GLRA3: variants seen among roughly 807,000 people sequenced by gnomAD.
GLRA3 encodes glycine receptor subunit alpha-3.
Under a neutral mutation model 60.4 loss-of-function variants are expected in GLRA3, and 44 were observed. The observed-to-expected ratio is 0.73, with a 90% CI of 0.57 to 0.94. The LOEUF (loss-of-function observed/expected upper bound fraction) is 0.94, where lower values mean the gene tolerates loss of function less well. GLRA3 is among the 40% of genes least tolerant of loss of function. GLRA3 has a pLI of 0.00. For missense variants in GLRA3, 508 were observed against 564.6 expected (o/e 0.90, Z 1.02); for synonymous variants, 223 against 192.9 (o/e 1.16, Z -1.29).
intron 1 of GLRA3, among the ~76,000 whole-genome samples, chr4:174,798,287 C>T (rs1313663806): frequency 1.3e-5 from 2 of 152,072 alleles, no homozygotes; most frequent in African/African-American, 2.4e-5. Flanking sequence ...CCTCCGTGGG[C>T]CAGTCCTGTA....
chr4:174,773,702 A>T (rs199790079), intron 2 of GLRA3, among the ~76,000 whole-genome samples: 1 of 149,060 alleles, frequency 6.7e-6, no homozygotes, highest in Non-Finnish European at 1.5e-5. Context: ...TCCAGATTTT[A>T]AATTATCTGT....
intron 7 of GLRA3, 82 bp downstream of exon 7, chr4:174,676,996 T>C: frequency 7.3e-6 from 6 of 817,886 alleles, no homozygotes; most frequent in Non-Finnish European, 1.0e-5. Context: ...TTGAAAAATA[T>C]CTGACCAAAG....
intron 5 of GLRA3, among the ~76,000 whole-genome samples, chr4:174,692,812 C>CG (rs1734908246): frequency 6.6e-6 from 1 of 151,948 alleles, no homozygotes; most frequent in Admixed American, 6.6e-5. Context: ...CAGAAGGCCG[C>CG]GGGGTCCTCT....
At chr4:174,652,824 A>T (rs1034392046) in intron 9 of GLRA3, among the ~76,000 whole-genome samples, 4 of 152,142 alleles carry the variant, frequency 2.6e-5, no homozygotes, top group African/African-American at 9.6e-5. Context: ...CTAATTTTGT[A>T]TCTTCTTCTT....
intron 3 of GLRA3, among the ~76,000 whole-genome samples, chr4:174,738,073 G>A (rs1276090292): frequency 9.9e-5 from 15 of 152,138 alleles, no homozygotes; most frequent in Non-Finnish European, 1.5e-5. Context: ...TTCTTACATA[G>A]TTGTTTATTG....
chr4:174,717,706 CAGCTAGGTTA>C (rs1214489184), intron 4 of GLRA3, among the ~76,000 whole-genome samples: 2 of 152,130 alleles, frequency 1.3e-5, no homozygotes, highest in Non-Finnish European at 2.9e-5. Flanking sequence ...TCTCCTGGCT[CAGCTAGGTTA>C]AGTATGATTG....
chr4:174,808,847 G>T (rs190864833), intron 1 of GLRA3, among the ~76,000 whole-genome samples: 6 of 152,094 alleles, frequency 3.9e-5, no homozygotes, highest in Admixed American at 1.3e-4. Context: ...AAGATATAAA[G>T]AATACATTTT....
At chr4:174,653,172 G>A (rs1483520264) in intron 9 of GLRA3, among the ~76,000 whole-genome samples, 1 of 151,918 alleles carries the variant, frequency 6.6e-6, no homozygotes, top group African/African-American at 2.4e-5. Context: ...CTATTTATAT[G>A]GTTTCAAAAT....
intron 3 of GLRA3, among the ~76,000 whole-genome samples, chr4:174,732,469 G>A (rs1277025413): frequency 2.0e-5 from 3 of 151,734 alleles, no homozygotes; most frequent in African/African-American, 7.3e-5. Context: ...CCTTATGCTT[G>A]TGCAACAGAA....
chr4:174,737,573 G>A (rs549280820), intron 3 of GLRA3, among the ~76,000 whole-genome samples: 15 of 151,864 alleles, frequency 9.9e-5, no homozygotes, highest in Non-Finnish European at 2.1e-4. Flanking sequence ...GAGTGCAGTG[G>A]CACAATCTTA....
chr4:174,671,985 A>G (rs1334064424), intron 7 of GLRA3, among the ~76,000 whole-genome samples: 1 of 152,154 alleles, frequency 6.6e-6, no homozygotes, highest in Non-Finnish European at 1.5e-5. Flanking sequence ...TTCACAGAGA[A>G]ATTGAAAGGG....
intron 3 of GLRA3, among the ~76,000 whole-genome samples, chr4:174,747,250 C>T (rs949012823): frequency 2.0e-5 from 3 of 151,756 alleles, no homozygotes; most frequent in Non-Finnish European, 4.4e-5. Context: ...AAAGAGTAGT[C>T]GATGAAGGAA....
At chr4:174,717,809 T>C (rs1735982500) in intron 4 of GLRA3, among the ~76,000 whole-genome samples, 1 of 152,238 alleles carries the variant, frequency 6.6e-6, no homozygotes, top group Admixed American at 6.5e-5. Context: ...AAAGGGCTTA[T>C]TAGAAGTGTA....
At chr4:174,712,115 C>T (rs1735739079) in intron 5 of GLRA3, among the ~76,000 whole-genome samples, 1 of 151,892 alleles carries the variant, frequency 6.6e-6, no homozygotes, top group South Asian at 2.1e-4. Flanking sequence ...AATTTCTTTT[C>T]CTCTAACTAG....
intron 1 of GLRA3, among the ~76,000 whole-genome samples, chr4:174,797,404 T>C (rs562795284): frequency 1.3e-5 from 2 of 152,290 alleles, no homozygotes; most frequent in South Asian, 4.1e-4. Context: ...TCACTCTTCT[T>C]TTCTGTGCTG....
chr4:174,644,556 CT>C (rs1732745696), intron 9 of GLRA3, among the ~76,000 whole-genome samples: 2 of 152,020 alleles, frequency 1.3e-5, no homozygotes, highest in Admixed American at 6.6e-5. Flanking sequence ...AAAATACAGT[CT>C]AGTTCAATAA....
intron 5 of GLRA3, among the ~76,000 whole-genome samples, chr4:174,702,672 G>A (rs770920060): frequency 6.6e-6 from 1 of 152,082 alleles, no homozygotes; most frequent in Non-Finnish European, 1.5e-5. Flanking sequence ...GGCTCAAGTG[G>A]TCCTTTCACC....
chr4:174,785,603 A>G (rs112167310), intron 2 of GLRA3, among the ~76,000 whole-genome samples: 1 of 152,162 alleles, frequency 6.6e-6, no homozygotes, highest in Non-Finnish European at 1.5e-5. Flanking sequence ...TTTGAAGTCC[A>G]GAGAGGGCAA....
intron 5 of GLRA3, among the ~76,000 whole-genome samples, chr4:174,688,110 T>C (rs1418692386): frequency 1.3e-5 from 2 of 151,682 alleles, no homozygotes; most frequent in Admixed American, 6.6e-5. Flanking sequence ...CATAATTAAC[T>C]ATGTGTTTAC....
Sources: allele counts gnomAD v4.1 joint callset (sites outside exome capture counted in the v4.1 genomes callset), GRCh38; gene constraint gnomAD v4.1.1; transcripts MANE v1.5; gene names NCBI Gene and HGNC (gene_info 2026-07-23, HGNC 2026-07-21).